Variants in FMNL2 observed in about 807,000 individuals in gnomAD.
FMNL2 encodes the protein formin like 2.
FMNL2 carries 51 observed loss-of-function variants against 130.2 expected under a neutral mutation model. The observed-to-expected ratio is 0.39, with a 90% CI of 0.31 to 0.49. The LOEUF (loss-of-function observed/expected upper bound fraction) is 0.49, where lower values mean the gene tolerates loss of function less well. Ranked by LOEUF, FMNL2 falls within the 20% of genes least tolerant of loss-of-function variation. FMNL2 has a pLI of 0.85. For synonymous variants in FMNL2, 465 were observed against 467.1 expected (o/e 1.00, Z 0.06); for missense variants, 977 against 1,316.2 (o/e 0.74, Z 3.99).
At chr2:152,387,007 AT>A (rs113881325) in intron 1 of FMNL2, among the ~76,000 whole-genome samples, 20,102 of 152,038 alleles carry the variant, frequency 0.13, 1,563 homozygotes, top group African/African-American at 0.19. Context: ...AGGAATGATG[AT>A]TTAAAAGAAA....
chr2:152,369,755 G>C (rs958655138), intron 1 of FMNL2, among the ~76,000 whole-genome samples: 2 of 152,164 alleles, frequency 1.3e-5, no homozygotes, highest in African/African-American at 4.8e-5. Flanking sequence ...TGAACCTCAG[G>C]GTTGTTCTTA....
intron 1 of FMNL2, among the ~76,000 whole-genome samples, chr2:152,505,719 G>A (rs925844296): frequency 1.3e-5 from 2 of 152,216 alleles, no homozygotes; most frequent in Non-Finnish European, 2.9e-5. Context: ...GGCTCCAGCC[G>A]GCTCCAGCCG....
chr2:152,597,938 A>G (rs1697853854), intron 9 of FMNL2, among the ~76,000 whole-genome samples: 1 of 152,240 alleles, frequency 6.6e-6, no homozygotes, highest in South Asian at 2.1e-4. Flanking sequence ...GGGTTGGGAA[A>G]TGAGAGAAGC....
At chr2:152,500,528 C>A (rs1332073108) in intron 1 of FMNL2, among the ~76,000 whole-genome samples, 2 of 152,168 alleles carry the variant, frequency 1.3e-5, no homozygotes, top group Non-Finnish European at 1.5e-5. Context: ...TACCCTCTAC[C>A]ATATCCCAGT....
At chr2:152,404,953 C>T (rs1257724346) in intron 1 of FMNL2, among the ~76,000 whole-genome samples, 1 of 152,134 alleles carries the variant, frequency 6.6e-6, no homozygotes, top group Non-Finnish European at 1.5e-5. Flanking sequence ...ACTGCATCAC[C>T]TTCCTCCAGT....
At chr2:152,617,035 G>A in intron 12 of FMNL2, 56 bp from the exon 13 acceptor site, 1 of 1,494,586 alleles carries the variant, frequency 6.7e-7, no homozygotes, top group Non-Finnish European at 9.3e-7. Context: ...TCTGAGAACT[G>A]AGGGCTGATC....
chr2:152,593,860 A>AGAGAGT (rs1365489869), intron 9 of FMNL2, among the ~76,000 whole-genome samples: 9 of 113,352 alleles, frequency 7.9e-5, no homozygotes, highest in South Asian at 3.3e-4. Flanking sequence ...AGAGAGAGAG[A>AGAGAGT]GTGTGTGTGT....
At chr2:152,632,279 C>A in intron 21 of FMNL2, 142 bp downstream of exon 21, 3 of 1,136,430 alleles carry the variant, frequency 2.6e-6, no homozygotes, top group Admixed American at 2.5e-5. Context: ...TGGAACACAT[C>A]GGCCGTGGTG....
intron 2 of FMNL2, among the ~76,000 whole-genome samples, chr2:152,537,301 G>T (rs1050995793): frequency 6.6e-6 from 1 of 152,164 alleles, no homozygotes; most frequent in Non-Finnish European, 1.5e-5. Flanking sequence ...GTCATTAAGT[G>T]GAGTCCAATA....
intron 6 of FMNL2, among the ~76,000 whole-genome samples, chr2:152,568,223 T>TTTTTTTTTTTTTTTTTTTTTTTG (rs1553478445): frequency 3.0e-5 from 4 of 132,304 alleles, no homozygotes; most frequent in East Asian, 4.3e-4. Context: ...GGTGGGTTTT[T>TTTTTTTTTTTTTTTTTTTTTTTG]TTTTTTTTTT....
intron 1 of FMNL2, among the ~76,000 whole-genome samples, chr2:152,489,156 G>T (rs183577782): frequency 3.7e-4 from 56 of 150,976 alleles, no homozygotes; most frequent in African/African-American, 1.3e-3. Context: ...CATGAGAAGA[G>T]TGCTGTCAAC....
chr2:152,426,379 G>A (rs377644859), intron 1 of FMNL2, among the ~76,000 whole-genome samples: 18 of 152,306 alleles, frequency 1.2e-4, no homozygotes, highest in East Asian at 5.8e-4. Flanking sequence ...ATGGCCCCTC[G>A]GTTGTGGTTG....
At chr2:152,436,042 A>G (rs1181816748) in intron 1 of FMNL2, among the ~76,000 whole-genome samples, 2 of 118,134 alleles carry the variant, frequency 1.7e-5, no homozygotes, top group Non-Finnish European at 3.3e-5. Flanking sequence ...AGACGTGCTT[A>G]GTTTTTTTTT....
chr2:152,522,463 T>C (rs984230277), intron 2 of FMNL2, among the ~76,000 whole-genome samples: 9 of 152,250 alleles, frequency 5.9e-5, no homozygotes, highest in African/African-American at 2.2e-4. Flanking sequence ...GAGAAAGTTA[T>C]ATCAAGTTGA....
chr2:152,411,059 C>T (rs1255367204), intron 1 of FMNL2, among the ~76,000 whole-genome samples: 2 of 152,192 alleles, frequency 1.3e-5, no homozygotes, highest in Non-Finnish European at 1.5e-5. Flanking sequence ...GAAACATCCT[C>T]CTTTCCCTCC....
chr2:152,558,789 G>A lies in FMNL2; in HGVS notation c.409G>A (p.Val137Met), dbSNP rs376519880. 6 of 1,613,012 alleles carry A rather than the reference G, an allele frequency of 3.7e-6. No individual in the cohort carries two copies. The highest frequency in any genetic ancestry group is 5.1e-6 in the Non-Finnish European group (6 of 1,179,730). The change falls in exon 5 of 26, where the codon GTG becomes ATG. Residue 137 changes from valine to methionine, a missense_variant. By Grantham distance (21) the Val-to-Met change is conservative (BLOSUM62 1). Coordinates refer to ENST00000288670, the MANE Select transcript of FMNL2 (RefSeq NM_052905.4). ...NEENKGLDVLVEYLSFAQYAV... is the reference protein window; with the variant it reads ...NEENKGLDVLMEYLSFAQYAV... ...AGAAAACAAAGGTCTTGATGTTCTAGTGGAATATCTCTCATTTGCACAGTA... is the reference window on the plus strand; with the variant it reads ...AGAAAACAAAGGTCTTGATGTTCTAATGGAATATCTCTCATTTGCACAGTA...
At position 152,489,051 on chromosome 2, in the gene FMNL2, A is replaced by G. The variant is rs145729153; in HGVS notation, c.118-32892A>G. On this transcript the variant is annotated intron_variant, in intron 1 of 25. Transcript: ENST00000288670. ...GTACCACTGCACTCCAGCCTGAGCA[A>G]CAGCGAGACCCTGTCCAGCAGGGTA... 6.5e-3 allele frequency among the ~76,000 whole-genome samples: 988 copies of G among 152,330 alleles called. 7 individuals are homozygous for G. Among genetic ancestry groups the G allele is most frequent in the African/African-American group, 0.023 (937 of 41,570 alleles).
chr2:152,435,180 A>G (rs1579656092), intron 1 of FMNL2, among the ~76,000 whole-genome samples: 1 of 152,096 alleles, frequency 6.6e-6, no homozygotes, highest in East Asian at 1.9e-4. Context: ...CTCTTCACAC[A>G]CTTGTTTAAG....
rs557756436 is a variant in FMNL2, at chr2:152,503,904, A to C, written c.118-18039A>C. Among the ~76,000 whole-genome samples the C allele has an allele frequency of 2.6e-5, 4 of 152,292 alleles. No individual in the cohort carries two copies. The East Asian group carries it at 7.7e-4, about 29-fold the overall frequency. On this transcript the variant is annotated intron_variant, in intron 1 of 25. Transcript: ENST00000288670. ...TTTACACATTCCACAATGAAGAACA[A>C]TCAAGCTGGGCATTGTAGCACATGC...
Sources: gnomAD v4.1 joint callset for allele counts (sites outside exome capture counted in the v4.1 genomes callset) on GRCh38, gnomAD v4.1.1 for gene constraint, MANE v1.5 for transcripts, NCBI Gene and HGNC (gene_info 2026-07-23, HGNC 2026-07-21) for gene names.